The following CPXM2 variants were observed in gnomAD, a reference collection of about 807,000 sequenced individuals.
The protein encoded by CPXM2 is inactive carboxypeptidase-like protein X2.
Under a neutral mutation model 86.1 loss-of-function variants are expected in CPXM2, and 66 were observed. That is an observed-to-expected ratio of 0.77 (90% CI 0.63 to 0.94). The LOEUF is 0.94. Ranked by LOEUF, CPXM2 falls within the 40% of genes least tolerant of loss-of-function variation. CPXM2 has a pLI of 0.00. For missense variants in CPXM2, 948 were observed against 1,026.3 expected (o/e 0.92, Z 1.04); for synonymous variants, 388 against 400.2 (o/e 0.97, Z 0.36).
At chr10:123,929,773 A>T (rs79473922) in intron 2 of CPXM2, among the ~76,000 whole-genome samples, 1 of 152,128 alleles carries the variant, frequency 6.6e-6, no homozygotes, top group Non-Finnish European at 1.5e-5. Context: ...GTCCTGTCTT[A>T]GAGCGGGGTG....
intron 6 of CPXM2, 50 bp downstream of exon 6, chr10:123,797,926 T>C (rs775790789): frequency 2.0e-6 from 3 of 1,479,640 alleles, no homozygotes; most frequent in African/African-American, 1.4e-5. Flanking sequence ...TGGGCATCTG[T>C]TTTCCATCAG....
At chr10:123,758,886 C>T (rs1443330377) in intron 11 of CPXM2, among the ~76,000 whole-genome samples, 1 of 152,128 alleles carries the variant, frequency 6.6e-6, no homozygotes, top group Non-Finnish European at 1.5e-5. Context: ...CCAGAAGGAA[C>T]CCTCTCCTGC....
intron 7 of CPXM2, among the ~76,000 whole-genome samples, chr10:123,772,218 T>A (rs1458453209): frequency 6.6e-6 from 1 of 152,112 alleles, no homozygotes; most frequent in Non-Finnish European, 1.5e-5. Context: ...TCCCTGGTTG[T>A]GGTTATCACC....
chr10:123,770,860 G>C, intron 8 of CPXM2, 56 bp downstream of exon 8: 1 of 1,563,510 alleles, frequency 6.4e-7, no homozygotes. Context: ...TCTCCTAACT[G>C]TTTACATGAG....
intron 2 of CPXM2, among the ~76,000 whole-genome samples, chr10:123,915,941 T>C (rs1283745989): frequency 6.6e-6 from 1 of 152,106 alleles, no homozygotes; most frequent in East Asian, 1.9e-4. Context: ...AATTTTCTGC[T>C]CCTGAAACCA....
intron 4 of CPXM2, among the ~76,000 whole-genome samples, chr10:123,821,700 T>C (rs554323647): frequency 2.0e-4 from 30 of 152,200 alleles, no homozygotes; most frequent in African/African-American, 7.0e-4. Flanking sequence ...CTGGAGACAA[T>C]GGGTAAGGTG....
At chr10:123,747,540 G>A (rs1322342555) in intron 13 of CPXM2, among the ~76,000 whole-genome samples, 2 of 152,172 alleles carry the variant, frequency 1.3e-5, no homozygotes, top group African/African-American at 4.8e-5. Flanking sequence ...TCCCTGGCTG[G>A]GGCCTGGAGA....
intron 4 of CPXM2, among the ~76,000 whole-genome samples, chr10:123,810,926 T>C (rs529069095): frequency 6.6e-6 from 1 of 152,226 alleles, no homozygotes; most frequent in East Asian, 1.9e-4. Flanking sequence ...GACACTGTGA[T>C]AATGGTGTAT....
chr10:123,872,912 C>T (rs1182605214), intron 2 of CPXM2, among the ~76,000 whole-genome samples: 3 of 150,838 alleles, frequency 2.0e-5, no homozygotes, highest in African/African-American at 7.3e-5. Context: ...ATGGCTTCAA[C>T]TTGCCATAAA....
At chr10:123,764,361 G>A (rs534943366) in intron 10 of CPXM2, among the ~76,000 whole-genome samples, 2 of 152,110 alleles carry the variant, frequency 1.3e-5, no homozygotes, top group South Asian at 2.1e-4. Context: ...AAAATTTGGC[G>A]AGATAGTATT....
chr10:123,790,392 C>CTA (rs1847179497), intron 6 of CPXM2, among the ~76,000 whole-genome samples: 2 of 151,730 alleles, frequency 1.3e-5, no homozygotes, highest in Non-Finnish European at 2.9e-5. Context: ...TGACTGAAGA[C>CTA]GGAGCAGGTG....
chr10:123,805,543 C>T lies in CPXM2; in HGVS notation c.654-6344G>A, dbSNP rs543011555. On this transcript the variant is annotated intron_variant, in intron 4 of 13. Coordinates refer to ENST00000241305, the MANE Select transcript of CPXM2 (RefSeq NM_198148.3). Reference sequence around the variant, plus strand: ...TTATTACCGATTCCTAGTTTAATTCCGTTGTGGACAGAGAACATACTTTAA... The same window carrying T: ...TTATTACCGATTCCTAGTTTAATTCTGTTGTGGACAGAGAACATACTTTAA... Among the ~76,000 whole-genome samples the T allele has an allele frequency of 5.9e-4, 89 of 152,034 alleles. 1 individual carries two copies. In the South Asian group the frequency reaches 0.018, roughly 30 times the overall value.
At chr10:123,912,346 C>T (rs1189878803) in intron 2 of CPXM2, among the ~76,000 whole-genome samples, 2 of 148,352 alleles carry the variant, frequency 1.3e-5, no homozygotes, top group Admixed American at 6.7e-5. Flanking sequence ...CTGCTCATAC[C>T]TAAGTAGCTA....
At chr10:123,858,691 A>G (rs1182975278) in intron 3 of CPXM2, among the ~76,000 whole-genome samples, 1 of 152,198 alleles carries the variant, frequency 6.6e-6, no homozygotes, top group African/African-American at 2.4e-5. Flanking sequence ...GGCACTTAGC[A>G]CTGTGCCAAT....
In CPXM2 at chr10:123,862,672, T is replaced by A. The variant is rs781050994; in HGVS notation, c.455A>T (p.His152Leu). Residue 152 changes from histidine to leucine, a missense_variant, in exon 3 of 14, where the codon CAT (histidine) becomes CTT (leucine). Coordinates refer to ENST00000241305, the MANE Select transcript of CPXM2 (RefSeq NM_198148.3). Reference protein sequence around the residue: ...ETLKITDFQLHASTVKRYGLG... With the variant: ...ETLKITDFQLLASTVKRYGLG... ...GCCATAGCGCTTCACCGTGGAGGCA[T>A]GGAGCTGGAAGTCTGTGATTTTTAA... 8 of 1,614,060 alleles carry A rather than the reference T, an allele frequency of 5.0e-6. No homozygotes were observed. The African/African-American group carries it at 9.3e-5, about 19-fold the overall frequency.
chr10:123,836,323 A>G (rs993736062), intron 4 of CPXM2, among the ~76,000 whole-genome samples: 8 of 151,796 alleles, frequency 5.3e-5, no homozygotes, highest in African/African-American at 1.9e-4. Context: ...CTGAAGCCTC[A>G]TCTCCCACAG....
chr10:123,891,366 C>G lies in CPXM2; in HGVS notation c.294G>C (p.Pro98=), dbSNP rs1479214611. ...APKREKSAPE[P]PPPGKHSNKK... is the part of the protein sequence containing the mutation. ...CAGAAAGTTCCTTACCTGGTGGAGG[C>G]GGCTCCGGAGCCGACTTCTCCCTCT... is the stretch of plus-strand genomic sequence containing the variant. Residue 98 remains proline, a synonymous_variant, in exon 1 of 14, where the codon CCG becomes CCC. Transcript: ENST00000241305. The surrounding 1 kb of genome is among the most constrained non-coding windows in gnomAD (Gnocchi z 5.6). 1 of 1,548,322 alleles carries G rather than the reference C, an allele frequency of 6.5e-7. No homozygotes were observed. The highest frequency in any genetic ancestry group is 1.4e-5 in the African/African-American group (1 of 71,676).
upstream of CPXM2, among the ~76,000 whole-genome samples, chr10:123,895,660 GAACCCTC>G (rs1245885661): frequency 6.6e-6 from 1 of 152,140 alleles, no homozygotes; most frequent in African/African-American, 2.4e-5. Flanking sequence ...CTCAGGACTG[GAACCCTC>G]AGGAGGGGCT....
chr10:123,869,855 G>T (rs779107408), intron 2 of CPXM2, among the ~76,000 whole-genome samples: 2 of 152,158 alleles, frequency 1.3e-5, no homozygotes, highest in Non-Finnish European at 2.9e-5. Flanking sequence ...AATGTCCACT[G>T]CATTTAAGAT....
Sources: gnomAD v4.1 joint callset for allele counts (sites outside exome capture counted in the v4.1 genomes callset) on GRCh38, gnomAD v4.1.1 for gene constraint, Gnocchi (gnomAD v3.1) non-coding constraint, MANE v1.5 for transcripts, NCBI Gene and HGNC (gene_info 2026-07-23, HGNC 2026-07-21) for gene names.